Variants in TBC1D22B observed in about 807,000 individuals in gnomAD.
TBC1D22B encodes the protein chromosome 6 open reading frame 197.
Under a neutral mutation model 69.1 loss-of-function variants are expected in TBC1D22B, and 32 were observed. The ratio of observed to expected loss-of-function variants is 0.46; its 90% CI spans 0.35 to 0.62. TBC1D22B has a LOEUF of 0.62. TBC1D22B is among the 20% of genes least tolerant of loss of function. The pLI is 0.00. For synonymous variants in TBC1D22B, 206 were observed against 229.8 expected, an observed-to-expected ratio of 0.90 and a Z score of 0.94; for missense variants, 462 against 630.9, an observed-to-expected ratio of 0.73 and a Z score of 2.87.
intron 2 of TBC1D22B, 78 bp from the exon 3 acceptor site, chr6:37,279,226 A>G (rs1562045743): frequency 4.5e-6 from 6 of 1,318,888 alleles, no homozygotes; most frequent in Non-Finnish European, 6.3e-6. Context: ...GTAATTTATT[A>G]ATATTACAAT....
chr6:37,315,776 A>G (rs778927306), intron 10 of TBC1D22B, among the ~76,000 whole-genome samples: 2 of 151,824 alleles, frequency 1.3e-5, no homozygotes, highest in Non-Finnish European at 2.9e-5. Context: ...GGCTTTTGTC[A>G]TGTTGCCTAG....
At chr6:37,269,328 C>A (rs143090586) in intron 1 of TBC1D22B, among the ~76,000 whole-genome samples, 1 of 152,190 alleles carries the variant, frequency 6.6e-6, no homozygotes, top group Non-Finnish European at 1.5e-5. Flanking sequence ...CTCTAAAGCC[C>A]GTTACCTTTC....
rs554047772 is a variant in TBC1D22B, at chr6:37,296,361, A to G, written c.982+5004A>G. ...TCTGTCACCCAGGCTGGATTGATTG[A>G]TTGATCGAGACAGGGTCTCACTCTG... is the stretch of plus-strand genomic sequence containing the variant. On this transcript the variant is annotated intron_variant, in intron 8 of 12. Coordinates refer to ENST00000373491, the MANE Select transcript of TBC1D22B (RefSeq NM_017772.4). Among the ~76,000 whole-genome samples, 40 of 152,240 alleles carry G rather than the reference A, an allele frequency of 2.6e-4. 1 individual carries two copies. The highest frequency in any genetic ancestry group is 2.1e-3 in the South Asian group (10 of 4,824).
intron 12 of TBC1D22B, among the ~76,000 whole-genome samples, chr6:37,326,393 A>AAC (rs1312830970): frequency 6.8e-6 from 1 of 147,068 alleles, no homozygotes; most frequent in Non-Finnish European, 1.5e-5. Flanking sequence ...AAAAAAAAAA[A>AAC]AGTATTCTCT....
chr6:37,318,919 A>T (rs1768161125), intron 12 of TBC1D22B, among the ~76,000 whole-genome samples: 1 of 152,178 alleles, frequency 6.6e-6, no homozygotes, highest in African/African-American at 2.4e-5. Context: ...TGTTTTTAAT[A>T]GGTATATACC....
At chr6:37,276,846 G>A (rs866399661) in intron 2 of TBC1D22B, among the ~76,000 whole-genome samples, 1 of 152,006 alleles carries the variant, frequency 6.6e-6, no homozygotes. Flanking sequence ...AGCCTAGATC[G>A]CACCACTGCA....
chr6:37,279,191 C>A, intron 2 of TBC1D22B, 113 bp from the exon 3 acceptor site: 1 of 1,071,466 alleles, frequency 9.3e-7, no homozygotes, highest in Non-Finnish European at 1.3e-6. Context: ...TTTGAAGAAG[C>A]TAATGATTAT....
chr6:37,267,440 CATATATA>C lies in TBC1D22B; in HGVS notation c.57-2146_57-2140del, dbSNP rs1299027926. Among the ~76,000 whole-genome samples, 82 of 139,476 alleles carry C rather than the reference CATATATA, an allele frequency of 5.9e-4. 2 individuals carry two copies. In the South Asian group the frequency reaches 0.013, roughly 22 times the overall value. 91.5% of individuals were successfully genotyped at this position (139,476 alleles called of 152,430 possible). On this transcript the variant is annotated intron_variant, in intron 1 of 12. Coordinates refer to ENST00000373491, the MANE Select transcript of TBC1D22B (RefSeq NM_017772.4). ...TATACACATATAATATATATACACA[CATATATA>C]ATATATATATACACATATATATAAT...
intron 8 of TBC1D22B, among the ~76,000 whole-genome samples, chr6:37,307,645 C>T (rs974858469): frequency 1.3e-5 from 2 of 152,156 alleles, no homozygotes; most frequent in African/African-American, 4.8e-5. Context: ...TGAGCCACAG[C>T]GCCTGGCCTG....
At chr6:37,325,534 T>G (rs1768365166) in intron 12 of TBC1D22B, among the ~76,000 whole-genome samples, 2 of 137,714 alleles carry the variant, frequency 1.5e-5, no homozygotes. Context: ...ATAATTATCG[T>G]TTCTACTTTT....
chr6:37,276,685 C>T (rs1766681509), intron 2 of TBC1D22B, among the ~76,000 whole-genome samples: 1 of 152,038 alleles, frequency 6.6e-6, no homozygotes, highest in African/African-American at 2.4e-5. Context: ...AATCCCAGCA[C>T]TTTGGGAGGC....
intron 12 of TBC1D22B, among the ~76,000 whole-genome samples, chr6:37,321,052 C>T (rs924854703): frequency 1.3e-5 from 2 of 152,204 alleles, no homozygotes; most frequent in Non-Finnish European, 2.9e-5. Context: ...TCGTGAGGCT[C>T]AATCTAATAG....
At chr6:37,295,850 C>T (rs1209747724) in intron 8 of TBC1D22B, 1 of 174,748 alleles carries the variant, frequency 5.7e-6, no homozygotes, top group African/African-American at 2.4e-5. Flanking sequence ...GGAAGAAGTT[C>T]TACCGTGGGT....
At chr6:37,313,231 T>C (rs541131807) in intron 9 of TBC1D22B, among the ~76,000 whole-genome samples, 1 of 152,340 alleles carries the variant, frequency 6.6e-6, no homozygotes, top group African/African-American at 2.4e-5. Flanking sequence ...GGCTCACGCC[T>C]GTAATCCCAA....
intron 12 of TBC1D22B, among the ~76,000 whole-genome samples, chr6:37,317,563 G>C (rs1047459645): frequency 6.6e-6 from 1 of 152,186 alleles, no homozygotes; most frequent in African/African-American, 2.4e-5. Flanking sequence ...TTCTCATAAA[G>C]CTTACGTACT....
intron 12 of TBC1D22B, among the ~76,000 whole-genome samples, chr6:37,329,626 A>G (rs1047979409): frequency 5.9e-5 from 9 of 152,234 alleles, no homozygotes; most frequent in Non-Finnish European, 1.0e-4. Flanking sequence ...GTGGCTTAAA[A>G]CAAGAGAGTT....
At chr6:37,304,208 G>A (rs1027063704) in intron 8 of TBC1D22B, among the ~76,000 whole-genome samples, 10 of 152,206 alleles carry the variant, frequency 6.6e-5, no homozygotes, top group East Asian at 1.9e-4. Context: ...AGTCTTTGAT[G>A]AGCACCCACA....
Position 37,316,462 on chromosome 6 carries a change from C to G in TBC1D22B, c.1166-241C>G, listed in dbSNP as rs141171990. Among the ~76,000 whole-genome samples, 39 of 152,324 alleles carry G rather than the reference C, an allele frequency of 2.6e-4. 1 individual carries two copies. Among genetic ancestry groups the G allele is most frequent in the Middle Eastern group, 3.4e-3 (1 of 294 alleles). ...GAGCGGCCCCACAAAGGAAGCGGGG[C>G]TCCTAGAACATCACTGGGGGATGTT... On this transcript the variant is annotated intron_variant, in intron 10 of 12. Transcript: ENST00000373491.
At chr6:37,313,482 C>G (rs1285912586) in intron 9 of TBC1D22B, among the ~76,000 whole-genome samples, 1 of 91,892 alleles carries the variant, frequency 1.1e-5, no homozygotes, top group African/African-American at 4.9e-5. Flanking sequence ...AGAGTGAGAC[C>G]CTATCTCAAA....
Sources: gnomAD v4.1 joint callset for allele counts (sites outside exome capture counted in the v4.1 genomes callset) on GRCh38, gnomAD v4.1.1 for gene constraint, MANE v1.5 for transcripts, NCBI Gene and HGNC (gene_info 2026-07-23, HGNC 2026-07-21) for gene names.